BTBD1: variants seen among roughly 807,000 people sequenced by gnomAD.
The protein encoded by BTBD1 is BTB/POZ domain-containing protein 1.
In BTBD1, 34 loss-of-function variants were observed where a neutral mutation model predicts 48.0. The ratio of observed to expected loss-of-function variants is 0.71; its 90% confidence interval spans 0.54 to 0.94. The LOEUF (loss-of-function observed/expected upper bound fraction) is 0.94. Among genes scored for constraint, BTBD1 ranks in the 40% least tolerant of loss-of-function variants. The pLI, the probability that BTBD1 is intolerant of heterozygous loss-of-function variation, is 0.00. For synonymous variants in BTBD1, 261 were observed against 242.1 expected (o/e 1.08, Z -0.72); for missense variants, 543 against 625.6 (o/e 0.87, Z 1.41).
chr15:83,042,356 A>ATATATATATATG, intron 3 of BTBD1, among the ~76,000 whole-genome samples: 2 of 121,414 alleles, frequency 1.6e-5, no homozygotes, highest in African/African-American at 6.6e-5. Context: ...TTTTATATAT[A>ATATATATATATG]TATATATATA....
At chr15:83,035,962 T>C (rs2032618776) in intron 4 of BTBD1, among the ~76,000 whole-genome samples, 1 of 151,698 alleles carries the variant, frequency 6.6e-6, no homozygotes. Context: ...TTCAGCAAAT[T>C]AAATCCAGTA....
chr15:83,047,868 A>G (rs2151309270), intron 3 of BTBD1, among the ~76,000 whole-genome samples: 1 of 152,308 alleles, frequency 6.6e-6, no homozygotes, highest in East Asian at 1.9e-4. Flanking sequence ...GTGAGCTTTT[A>G]TAAGGAATTT....
At chr15:83,032,015 T>C (rs923405275) in intron 4 of BTBD1, among the ~76,000 whole-genome samples, 3 of 152,186 alleles carry the variant, frequency 2.0e-5, no homozygotes, top group African/African-American at 4.8e-5. Context: ...GAAAACAGTA[T>C]GGAGATTCCT....
intron 2 of BTBD1, among the ~76,000 whole-genome samples, chr15:83,053,786 T>C (rs116153285): frequency 0.013 from 2,031 of 152,312 alleles, 53 homozygotes; most frequent in African/African-American, 0.047. Context: ...TACTTAAAAA[T>C]GGTGATAATA....
At chr15:83,052,797 A>ATTT (rs398028150) in intron 2 of BTBD1, among the ~76,000 whole-genome samples, 10 of 94,532 alleles carry the variant, frequency 1.1e-4, no homozygotes, top group African/African-American at 2.2e-4. Flanking sequence ...CGCCCGGCTA[A>ATTT]TTTTTTTTTT....
intron 4 of BTBD1, among the ~76,000 whole-genome samples, chr15:83,036,103 C>CAAAAAAAAAA (rs563839312): frequency 8.0e-5 from 6 of 75,112 alleles, no homozygotes; most frequent in African/African-American, 2.5e-4. Context: ...GTATCATTAC[C>CAAAAAAAAAA]AAAAAAAAAA....
At chr15:83,047,159 A>G (rs754501808) in intron 3 of BTBD1, among the ~76,000 whole-genome samples, 6 of 152,238 alleles carry the variant, frequency 3.9e-5, no homozygotes, top group Non-Finnish European at 7.3e-5. Context: ...TAAACAATCA[A>G]CATATATATA....
chr15:83,037,750 T>C (rs2032656754), intron 4 of BTBD1, among the ~76,000 whole-genome samples: 1 of 152,148 alleles, frequency 6.6e-6, no homozygotes, highest in Admixed American at 6.6e-5. Context: ...AAACTATCTC[T>C]CTTCACAGAT....
chr15:83,049,525 T>C (rs2032938198), intron 3 of BTBD1, among the ~76,000 whole-genome samples: 1 of 152,220 alleles, frequency 6.6e-6, no homozygotes, highest in African/African-American at 2.4e-5. Flanking sequence ...ATTTGCATAG[T>C]AATTACTTTC....
intron 3 of BTBD1, chr15:83,044,387 TG>T: frequency 6.5e-7 from 1 of 1,541,912 alleles, no homozygotes; most frequent in Non-Finnish European, 8.8e-7. Context: ...GTTCAGCAGC[TG>T]GGAGGAAGAT....
chr15:83,066,098 C>T (rs1362752439), intron 1 of BTBD1, among the ~76,000 whole-genome samples: 2 of 152,068 alleles, frequency 1.3e-5, no homozygotes, highest in African/African-American at 4.8e-5. Context: ...CCGAGACCAG[C>T]CTGGGCAACA....
intron 1 of BTBD1, among the ~76,000 whole-genome samples, chr15:83,057,550 C>T (rs1355434343): frequency 6.6e-5 from 10 of 152,156 alleles, no homozygotes; most frequent in African/African-American, 2.4e-4. Flanking sequence ...TCTTCTGGTG[C>T]CTTCCTATTT....
chr15:83,056,603 C>T, intron 1 of BTBD1, 58 bp from the exon 2 acceptor site: 1 of 1,428,616 alleles, frequency 7.0e-7, no homozygotes, highest in Non-Finnish European at 9.8e-7. Context: ...ATAAGCAATC[C>T]ATCACAGTTA....
intron 2 of BTBD1, 114 bp from the exon 3 acceptor site, chr15:83,050,292 T>C: frequency 3.5e-6 from 2 of 568,394 alleles, no homozygotes; most frequent in South Asian, 6.3e-5. Flanking sequence ...TAAAAATATC[T>C]ACTTAAAATA....
chr15:83,022,952 T>A (rs942656276), intron 5 of BTBD1, among the ~76,000 whole-genome samples: 9 of 152,012 alleles, frequency 5.9e-5, no homozygotes, highest in Middle Eastern at 6.8e-3. Flanking sequence ...AGAGCGAGAC[T>A]CCACCTCAAT....
chr15:83,057,109 C>T (rs576629478), intron 1 of BTBD1, among the ~76,000 whole-genome samples: 184 of 152,240 alleles, frequency 1.2e-3, no homozygotes, highest in African/African-American at 4.0e-3. Flanking sequence ...GAGTGTCTGC[C>T]GTATGACAAA....
chr15:83,032,061 G>A (rs2032528599), intron 4 of BTBD1, among the ~76,000 whole-genome samples: 1 of 152,194 alleles, frequency 6.6e-6, no homozygotes, highest in Non-Finnish European at 1.5e-5. Flanking sequence ...GGTGGCTCAT[G>A]CCTGTAATCC....
At position 83,066,793 on chromosome 15, in the gene BTBD1, T is replaced by C; in HGVS notation, c.359A>G (p.Glu120Gly). ...GGMATTSAEI[E>G]LPDVEPAAFL... ...GGCTGCGGGCTCCACGTCCGGCAGC[T>C]CGATCTCGGCCGACGTGGTGGCCAT... The change falls in exon 1 of 8, where the codon GAG (glutamate) becomes GGG (glycine). Residue 120 changes from glutamate to glycine, a missense_variant. By Grantham distance (98) the Glu-to-Gly change is moderately conservative. Coordinates refer to ENST00000261721, the MANE Select transcript of BTBD1 (RefSeq NM_025238.4). The C allele has an allele frequency of 7.0e-7, 1 of 1,438,078 alleles. No homozygotes were observed. The highest frequency in any genetic ancestry group is 1.4e-5 in the South Asian group (1 of 69,736). The allele number at this position is 1,438,078 out of a possible 1,614,324, so 89.1% of individuals were successfully genotyped here.
chr15:83,056,072 G>T (rs929630149), intron 2 of BTBD1, among the ~76,000 whole-genome samples: 1 of 146,092 alleles, frequency 6.8e-6, no homozygotes, highest in Admixed American at 7.0e-5. Flanking sequence ...ACCACAGCCG[G>T]CTAATTTTTA....
Sources: gnomAD v4.1 joint callset for allele counts (sites outside exome capture counted in the v4.1 genomes callset) on GRCh38, gnomAD v4.1.1 for gene constraint, MANE v1.5 for transcripts, NCBI Gene and HGNC (gene_info 2026-07-23, HGNC 2026-07-21) for gene names.